Variants in FARP1 observed in about 807,000 individuals in gnomAD.
FARP1 encodes the protein FERM, ARH/RhoGEF and pleckstrin domain protein 1, also known as FERM, ARHGEF and pleckstrin domain-containing protein 1.
In FARP1, 52 loss-of-function variants were observed where a neutral mutation model predicts 128.8. The observed-to-expected ratio is 0.40, with a 90% CI of 0.32 to 0.51. FARP1 has a LOEUF of 0.51. FARP1 is among the 20% of genes least tolerant of loss of function. The pLI, the probability that FARP1 is intolerant of heterozygous loss-of-function variation, is 0.45. For missense variants in FARP1, 1,333 were observed against 1,367.9 expected (o/e 0.97, Z 0.40); for synonymous variants, 580 against 551.8 (o/e 1.05, Z -0.72).
Position 98,221,974 on chromosome 13 carries a change from T to G in FARP1, c.171+8561T>G, listed in dbSNP as rs9582202. On this transcript the variant is annotated intron_variant, in intron 2 of 26. Coordinates refer to ENST00000319562, the MANE Select transcript of FARP1 (RefSeq NM_005766.4). ...TTTGAATGTTCAATTATTTGCTGTCTTCTATCACTTTGAGCATTTGAGCTG... is the reference window on the plus strand; with the variant it reads ...TTTGAATGTTCAATTATTTGCTGTCGTCTATCACTTTGAGCATTTGAGCTG... Among the ~76,000 whole-genome samples the G allele has an allele frequency of 3.1e-3, 471 of 152,382 alleles. 3 individuals carry two copies. Among genetic ancestry groups the G allele is most frequent in the Middle Eastern group, 0.01 (3 of 294 alleles).
At chr13:98,200,693 GA>G (rs763210042) in intron 1 of FARP1, among the ~76,000 whole-genome samples, 29 of 152,124 alleles carry the variant, frequency 1.9e-4, no homozygotes, top group African/African-American at 2.7e-4. Context: ...GACTCCCTTG[GA>G]AAAGGCTTGG....
At chr13:98,287,901 A>C (rs1291346697) in intron 2 of FARP1, among the ~76,000 whole-genome samples, 2 of 149,966 alleles carry the variant, frequency 1.3e-5, no homozygotes. Flanking sequence ...TCCCTGGTTC[A>C]AGCGATTCTT....
chr13:98,359,399 A>G (rs1888771783), intron 3 of FARP1, among the ~76,000 whole-genome samples: 2 of 152,222 alleles, frequency 1.3e-5, no homozygotes, highest in South Asian at 4.1e-4. Context: ...CACCTCAAAC[A>G]TTCCAGTTGC....
intron 2 of FARP1, chr13:98,329,122 T>A (rs1172440061): frequency 6.6e-6 from 1 of 152,246 alleles, no homozygotes; most frequent in African/African-American, 2.4e-5. Context: ...CAGCTTGTGA[T>A]GTGACACGTT....
intron 5 of FARP1, among the ~76,000 whole-genome samples, chr13:98,375,658 C>T (rs1298817844): frequency 2.0e-5 from 3 of 152,032 alleles, no homozygotes; most frequent in Non-Finnish European, 4.4e-5. Context: ...GACGGAGTTT[C>T]GCTCCTGTCA....
chr13:98,440,944 C>A, intron 24 of FARP1, 108 bp downstream of exon 24: 1 of 1,128,230 alleles, frequency 8.9e-7, no homozygotes, highest in Non-Finnish European at 1.3e-6. Context: ...GTGGGTGGCC[C>A]CACCTACCCG....
At chr13:98,261,108 T>C (rs1883857626) in intron 2 of FARP1, among the ~76,000 whole-genome samples, 1 of 152,234 alleles carries the variant, frequency 6.6e-6, no homozygotes, top group African/African-American at 2.4e-5. Context: ...GCACAGTGCA[T>C]TGCTGCGTGG....
chr13:98,428,770 A>C (rs1891886389), intron 17 of FARP1, among the ~76,000 whole-genome samples: 1 of 152,180 alleles, frequency 6.6e-6, no homozygotes, highest in African/African-American at 2.4e-5. Flanking sequence ...TGGTATATAC[A>C]GGGAAGACCT....
chr13:98,192,733 T>G (rs1473429939), intron 1 of FARP1, among the ~76,000 whole-genome samples: 1 of 152,186 alleles, frequency 6.6e-6, no homozygotes, highest in South Asian at 2.1e-4. Flanking sequence ...CCAGAAAAAT[T>G]TCCTGGGCCA....
intron 16 of FARP1, among the ~76,000 whole-genome samples, chr13:98,420,796 A>G (rs1566307406): frequency 6.6e-6 from 1 of 152,168 alleles, no homozygotes; most frequent in African/African-American, 2.4e-5. Flanking sequence ...TTACTTTTTC[A>G]TGTTCTTGAT....
chr13:98,213,119 G>C, intron 1 of FARP1, 101 bp from the exon 2 acceptor site: 1 of 860,674 alleles, frequency 1.2e-6, no homozygotes, highest in Non-Finnish European at 1.8e-6. Context: ...CTGTGCAGGG[G>C]ATGGAGCCCC....
At chr13:98,238,802 G>T (rs2892898) in intron 2 of FARP1, among the ~76,000 whole-genome samples, 52,284 of 151,924 alleles carry the variant, frequency 0.34, 9,538 homozygotes, top group South Asian at 0.51. Context: ...TCATTGACTG[G>T]CTATGTTACT....
intron 16 of FARP1, among the ~76,000 whole-genome samples, chr13:98,415,185 G>A (rs1891329122): frequency 2.0e-5 from 3 of 152,104 alleles, no homozygotes. Flanking sequence ...AACTGGAGGG[G>A]GCTTTGAAAA....
chr13:98,379,442 A>G (rs1207516794), intron 6 of FARP1, among the ~76,000 whole-genome samples: 2 of 151,298 alleles, frequency 1.3e-5, no homozygotes, highest in African/African-American at 4.9e-5. Flanking sequence ...AGTCTGGCAG[A>G]CCTGATTTCT....
chr13:98,193,606 A>T (rs535324975), intron 1 of FARP1, among the ~76,000 whole-genome samples: 1 of 152,334 alleles, frequency 6.6e-6, no homozygotes, highest in African/African-American at 2.4e-5. Context: ...TTCTGGAGAC[A>T]TTCTTTAATT....
intron 2 of FARP1, among the ~76,000 whole-genome samples, chr13:98,263,506 AAG>A (rs1488395464): frequency 6.6e-6 from 1 of 152,230 alleles, no homozygotes; most frequent in African/African-American, 2.4e-5. Context: ...CTGTTCTCAA[AAG>A]AGAAAAAAGT....
chr13:98,305,118 A>ATATATTT (rs1555335715), intron 2 of FARP1, among the ~76,000 whole-genome samples: 1 of 102,916 alleles, frequency 9.7e-6, no homozygotes, highest in East Asian at 3.8e-4. Context: ...ATATATATAT[A>ATATATTT]TTTTTTAATT....
chr13:98,336,418 C>T (rs574927568), intron 2 of FARP1, among the ~76,000 whole-genome samples: 42 of 152,132 alleles, frequency 2.8e-4, no homozygotes, highest in African/African-American at 8.4e-4. Flanking sequence ...TACAGGCACG[C>T]GCCACCACGC....
chr13:98,388,982 C>G (rs572836219), intron 9 of FARP1, among the ~76,000 whole-genome samples: 54 of 152,330 alleles, frequency 3.5e-4, no homozygotes, highest in African/African-American at 1.3e-3. Flanking sequence ...AGGACTGGGA[C>G]GGGAAGGGAG....
Sources: gnomAD v4.1 joint callset for allele counts (sites outside exome capture counted in the v4.1 genomes callset) on GRCh38, gnomAD v4.1.1 for gene constraint, MANE v1.5 for transcripts, NCBI Gene and HGNC (gene_info 2026-07-23, HGNC 2026-07-21) for gene names.